The following ZNF451 variants were observed in gnomAD, a reference collection of about 807,000 sequenced individuals.
ZNF451 encodes the protein zinc finger protein 451, also known as E3 SUMO-protein ligase ZNF451.
ZNF451 carries 80 observed loss-of-function variants against 107.1 expected under a neutral mutation model. The ratio of observed to expected loss-of-function variants is 0.75; its 90% CI spans 0.62 to 0.90. The LOEUF is 0.90. ZNF451 is among the 40% of genes least tolerant of loss of function. The probability of loss-of-function intolerance (pLI) is 0.00; values close to 1 mark genes in which losing one functional copy is unlikely to be tolerated. For missense variants in ZNF451, 1,107 were observed against 1,236.2 expected (o/e 0.90, Z 1.57); for synonymous variants, 362 against 406.5 (o/e 0.89, Z 1.32).
At position 57,133,095 on chromosome 6, in the gene ZNF451, G is replaced by A; in HGVS notation, c.478G>A (p.Gly160Ser). The part of the protein sequence containing the change: ...CGTKSSFRRG[G>S]HTWVSGKPIL... Reference sequence around the variant, plus strand: ...AACAAAAAGTTCATTCCGAAGAGGAGGCCACACGTGGGTGTCTGGGAAACC... The same window carrying A: ...AACAAAAAGTTCATTCCGAAGAGGAAGCCACACGTGGGTGTCTGGGAAACC... The change falls in exon 6 of 15, where the codon GGC becomes AGC. Residue 160 changes from glycine (G) to serine (S), a missense_variant. By Grantham distance (56) the Gly-to-Ser change is moderately conservative. Around this residue, in one of 5 missense-constraint regions of ZNF451, gnomAD observed 339 missense variants for 372.8 expected, o/e 0.91. Transcript: ENST00000370706. 6.2e-7 allele frequency: 1 copy of A among 1,614,142 alleles called. No homozygotes were observed. The highest frequency in any genetic ancestry group is 1.1e-5 in the South Asian group (1 of 91,082).
chr6:57,113,698 TG>T (rs1417560642), intron 3 of ZNF451, among the ~76,000 whole-genome samples: 8 of 150,662 alleles, frequency 5.3e-5, no homozygotes, highest in Non-Finnish European at 1.0e-4. Flanking sequence ...CTCGGCTCAC[TG>T]CAAGCTCCAC....
intron 3 of ZNF451, chr6:57,107,788 C>A: frequency 1.0e-6 from 1 of 984,214 alleles, no homozygotes; most frequent in Non-Finnish European, 1.2e-6. Context: ...TTCTAGTATT[C>A]CTGAGTATAT....
intron 7 of ZNF451, 77 bp from the exon 8 acceptor site, chr6:57,141,221 ATAGG>A: frequency 8.2e-7 from 1 of 1,221,332 alleles, no homozygotes. Context: ...TAAACAACAA[ATAGG>A]AAATTTTGAA....
chr6:57,139,028 C>A (rs988002650), intron 7 of ZNF451, among the ~76,000 whole-genome samples: 1 of 151,766 alleles, frequency 6.6e-6, no homozygotes, highest in Admixed American at 6.6e-5. Flanking sequence ...CACAATTAAA[C>A]TAAAAATGAT....
Position 57,148,003 on chromosome 6 carries a change from C to A in ZNF451, c.1918C>A (p.His640Asn). The A allele has an allele frequency of 1.2e-6, 2 of 1,614,052 alleles. No homozygotes were observed. The highest frequency in any genetic ancestry group is 1.7e-6 in the Non-Finnish European group (2 of 1,179,976). ...SHKFHRYSCA[H>N]CRKPFHKIET... is the part of the protein sequence containing the mutation. ...CAAGTTTCATAGATACAGCTGTGCT[C>A]ACTGCAGAAAGCCTTTTCATAAGAT... Residue 640 changes from histidine (H) to asparagine (N), a missense_variant, in exon 10 of 15, where the codon CAC becomes AAC. Physicochemically the swap from His to Asn is moderately conservative, Grantham distance 68. Around this residue, in one of 5 missense-constraint regions of ZNF451, gnomAD observed 608 missense variants for 649.2 expected, o/e 0.94. Transcript: ENST00000370706.
Position 57,147,296 on chromosome 6 carries a change from G to A in ZNF451, c.1211G>A (p.Ser404Asn). The stretch of plus-strand genomic sequence containing the variant: ...GAATCAGTCTTACTCTATTGCCACA[G>A]CAGCGAAGGGAACAAGGATCCTTCT... ...VEESVLLYCH[S>N]SEGNKDPSSD... Residue 404 changes from serine (S) to asparagine (N), a missense_variant, in exon 10 of 15, where the codon AGC (serine) becomes AAC (asparagine). Coordinates refer to ENST00000370706, the MANE Select transcript of ZNF451 (RefSeq NM_001031623.3). 6.2e-7 allele frequency: 1 copy of A among 1,614,154 alleles called. No individual in the cohort carries two copies.
At chr6:57,113,460 A>G (rs1220000921) in intron 3 of ZNF451, among the ~76,000 whole-genome samples, 2 of 152,070 alleles carry the variant, frequency 1.3e-5, no homozygotes, top group African/African-American at 4.8e-5. Flanking sequence ...CTTTGAGTTA[A>G]TATTTGCAAA....
intron 2 of ZNF451, among the ~76,000 whole-genome samples, chr6:57,096,606 C>T (rs796857625): frequency 1.9e-3 from 75 of 38,628 alleles, no homozygotes; most frequent in African/African-American, 7.4e-3. Context: ...GTTACCGGGG[C>T]GGGGGGGTAG....
chr6:57,099,138 T>C lies in ZNF451; in HGVS notation c.183T>C (p.Thr61=). Residue 61 remains threonine (T), a synonymous_variant, in exon 3 of 15, where the codon ACT becomes ACC. Transcript: ENST00000370706. ...SDDEEPSTSY[T]DENIKRKDHI... is the part of the protein sequence containing the mutation. Reference sequence around the variant, plus strand: ...ATGAAGAGCCTAGCACCTCTTATACTGATGTAAGTACATTATATTTGATTT... The same window carrying C: ...ATGAAGAGCCTAGCACCTCTTATACCGATGTAAGTACATTATATTTGATTT... 2 of 1,603,124 alleles carry C rather than the reference T, an allele frequency of 1.2e-6. No individual in the cohort carries two copies. The highest frequency in any genetic ancestry group is 1.3e-5 in the African/African-American group (1 of 74,824).
intron 3 of ZNF451, among the ~76,000 whole-genome samples, chr6:57,109,922 G>A (rs1332877539): frequency 6.6e-6 from 1 of 152,200 alleles, no homozygotes; most frequent in Non-Finnish European, 1.5e-5. Context: ...ATTGAGAAAG[G>A]TCTGAGAATA....
intron 5 of ZNF451, among the ~76,000 whole-genome samples, chr6:57,132,310 C>T (rs966009610): frequency 6.6e-5 from 10 of 152,188 alleles, no homozygotes; most frequent in African/African-American, 2.4e-4. Flanking sequence ...TTCTTCATTC[C>T]ATCCTCTCTA....
intron 14 of ZNF451, chr6:57,164,911 A>T (rs1027613629): frequency 6.6e-6 from 1 of 152,212 alleles, no homozygotes; most frequent in Admixed American, 6.5e-5. Context: ...ATTTTTTCAT[A>T]TGGCTTCAAG....
intron 3 of ZNF451, chr6:57,100,533 C>G: frequency 7.0e-7 from 1 of 1,424,866 alleles, no homozygotes; most frequent in Non-Finnish European, 9.2e-7. Flanking sequence ...AATCTCTGCA[C>G]TTGAAAGTTA....
At chr6:57,112,052 A>C (rs1179001510) in intron 3 of ZNF451, among the ~76,000 whole-genome samples, 2 of 152,124 alleles carry the variant, frequency 1.3e-5, no homozygotes, top group Non-Finnish European at 2.9e-5. Context: ...TAAATATTGT[A>C]CTGTTATGCT....
intron 5 of ZNF451, among the ~76,000 whole-genome samples, chr6:57,131,755 A>G (rs1294544581): frequency 1.3e-5 from 2 of 152,232 alleles, no homozygotes; most frequent in Non-Finnish European, 2.9e-5. Flanking sequence ...AGAAAATTCA[A>G]TAAAGATAAA....
At chr6:57,130,491 A>G (rs1329873686) in intron 5 of ZNF451, among the ~76,000 whole-genome samples, 1 of 152,138 alleles carries the variant, frequency 6.6e-6, no homozygotes, top group Admixed American at 6.6e-5. Flanking sequence ...CTTCTAGGGC[A>G]TCTGTACTTT....
intron 3 of ZNF451, chr6:57,109,825 T>C: frequency 8.0e-6 from 5 of 625,052 alleles, no homozygotes; most frequent in Non-Finnish European, 1.0e-5. Flanking sequence ...TTTTGATAGA[T>C]GGTATTTTGT....
chr6:57,104,731 G>A, intron 3 of ZNF451: 1 of 985,348 alleles, frequency 1.0e-6, no homozygotes, highest in African/African-American at 1.7e-5. Context: ...AGATGATGTT[G>A]CTGTTCTCTT....
intron 5 of ZNF451, among the ~76,000 whole-genome samples, chr6:57,132,801 A>C (rs1381497973): frequency 6.6e-6 from 1 of 151,984 alleles, no homozygotes; most frequent in Non-Finnish European, 1.5e-5. Context: ...ATACAGCAAG[A>C]TGCCCATCTC....
Sources: allele counts gnomAD v4.1 joint callset (sites outside exome capture counted in the v4.1 genomes callset), GRCh38; gene constraint gnomAD v4.1.1; regional missense constraint gnomAD v4.1.1; transcripts MANE v1.5; gene names NCBI Gene and HGNC (gene_info 2026-07-23, HGNC 2026-07-21).